Variants in ADAMTSL1 observed in about 807,000 individuals in gnomAD.
ADAMTSL1 encodes the protein ADAMTS-like protein 1.
In ADAMTSL1, 126 loss-of-function variants were observed where a neutral mutation model predicts 201.8. The observed-to-expected ratio is 0.62, with a 90% CI of 0.54 to 0.72. The LOEUF is 0.72. Ranked by LOEUF, ADAMTSL1 falls within the 30% of genes least tolerant of loss-of-function variation. The pLI, the probability that ADAMTSL1 is intolerant of heterozygous loss-of-function variation, is 0.00. For synonymous variants in ADAMTSL1, 1,121 were observed against 903.4 expected (o/e 1.24, Z -4.32); for missense variants, 2,679 against 2,277.8 (o/e 1.18, Z -3.59).
chr9:18,271,974 C>A (rs13294139), intron 2 of ADAMTSL1, among the ~76,000 whole-genome samples: 2,852 of 141,958 alleles, frequency 0.02, 82 homozygotes, highest in African/African-American at 0.05. Flanking sequence ...TAAATGTCTT[C>A]TTTTGAGAAG....
intron 1 of ADAMTSL1, among the ~76,000 whole-genome samples, chr9:18,043,218 T>C (rs1043938916): frequency 1.3e-5 from 2 of 152,040 alleles, no homozygotes; most frequent in African/African-American, 4.8e-5. Flanking sequence ...TCTGTGTGTG[T>C]TTTTTGGAGC....
In ADAMTSL1 at chr9:18,811,029, AAAAAAAC is replaced by A. The variant is rs1377475010; in HGVS notation, c.3806-6076_3806-6070del. Among the ~76,000 whole-genome samples the A allele has an allele frequency of 1.1e-4, 16 of 149,234 alleles. 1 individual carries two copies. The highest frequency in any genetic ancestry group is 3.5e-4 in the African/African-American group (14 of 40,214). ...ATGAGTACCAAAAAAAAAAAAAAAA[AAAAAAAC>A]AAACACCAGCTAGAAACCTTCTCTC... On this transcript the variant is annotated intron_variant, in intron 20 of 28. Coordinates refer to ENST00000380548, the MANE Select transcript of ADAMTSL1 (RefSeq NM_001040272.6).
At chr9:18,262,477 C>T (rs1367512783) in intron 2 of ADAMTSL1, among the ~76,000 whole-genome samples, 1 of 152,174 alleles carries the variant, frequency 6.6e-6, no homozygotes, top group Non-Finnish European at 1.5e-5. Flanking sequence ...CCAAAGAAAG[C>T]ATATCGTATA....
At chr9:18,355,769 G>T (rs1053502290) in intron 2 of ADAMTSL1, among the ~76,000 whole-genome samples, 1 of 152,238 alleles carries the variant, frequency 6.6e-6, no homozygotes, top group East Asian at 1.9e-4. Flanking sequence ...CACTTTGGGA[G>T]GCCAAGGTGG....
intron 16 of ADAMTSL1, among the ~76,000 whole-genome samples, chr9:18,755,603 G>C (rs917348675): frequency 6.6e-6 from 1 of 152,048 alleles, no homozygotes; most frequent in South Asian, 2.1e-4. Flanking sequence ...TCAGTTTTTA[G>C]GGCACAGCCA....
At chr9:18,016,020 C>T (rs1820246476) in intron 1 of ADAMTSL1, among the ~76,000 whole-genome samples, 1 of 152,012 alleles carries the variant, frequency 6.6e-6, no homozygotes, top group Admixed American at 6.6e-5. Context: ...ATCTTGTCTG[C>T]AGAGCCTTGT....
intron 23 of ADAMTSL1, among the ~76,000 whole-genome samples, chr9:18,857,569 T>TATG (rs1267897886): frequency 2.0e-5 from 3 of 152,240 alleles, no homozygotes; most frequent in African/African-American, 7.2e-5. Context: ...ATCACATGAT[T>TATG]ATGATTTCCT....
At chr9:18,063,826 C>T (rs1320522301) in intron 1 of ADAMTSL1, among the ~76,000 whole-genome samples, 2 of 152,106 alleles carry the variant, frequency 1.3e-5, no homozygotes, top group East Asian at 1.9e-4. Flanking sequence ...TCCCAAAACA[C>T]CCTCCTTTCT....
At chr9:18,307,276 A>G (rs1021119255) in intron 2 of ADAMTSL1, among the ~76,000 whole-genome samples, 1 of 152,162 alleles carries the variant, frequency 6.6e-6, no homozygotes, top group Non-Finnish European at 1.5e-5. Flanking sequence ...AGTATGAAGA[A>G]ACTGCATCAA....
At chr9:17,938,852 TC>T (rs1184709904) in intron 1 of ADAMTSL1, among the ~76,000 whole-genome samples, 1 of 152,152 alleles carries the variant, frequency 6.6e-6, no homozygotes, top group Non-Finnish European at 1.5e-5. Context: ...TCCATGGCTT[TC>T]CCCTGATACT....
chr9:18,259,018 T>C (rs991326443), intron 2 of ADAMTSL1, among the ~76,000 whole-genome samples: 2 of 152,204 alleles, frequency 1.3e-5, no homozygotes, highest in Admixed American at 6.5e-5. Context: ...GTCTCTGCCA[T>C]TGGCTTCCAG....
At chr9:18,172,820 A>C (rs1033523417) in intron 2 of ADAMTSL1, among the ~76,000 whole-genome samples, 2 of 152,120 alleles carry the variant, frequency 1.3e-5, no homozygotes, top group Non-Finnish European at 2.9e-5. Context: ...TTTCAAAAAT[A>C]AAATATTCAG....
chr9:18,662,210 C>T, intron 9 of ADAMTSL1, 137 bp downstream of exon 9: 1 of 1,195,046 alleles, frequency 8.4e-7, no homozygotes, highest in Non-Finnish European at 1.2e-6. Context: ...GTGTTCATTA[C>T]TAATCACGTG....
At chr9:18,039,128 C>T (rs1821330505) in intron 1 of ADAMTSL1, among the ~76,000 whole-genome samples, 1 of 152,114 alleles carries the variant, frequency 6.6e-6, no homozygotes, top group African/African-American at 2.4e-5. Flanking sequence ...ATAGAAAAAA[C>T]ATGACACTAA....
intron 2 of ADAMTSL1, among the ~76,000 whole-genome samples, chr9:18,243,008 A>G (rs1017437228): frequency 3.9e-5 from 6 of 152,160 alleles, no homozygotes; most frequent in African/African-American, 1.2e-4. Context: ...TTCATATGGA[A>G]CCATAAAAGA....
chr9:18,528,341 C>G (rs1427202229), intron 2 of ADAMTSL1, among the ~76,000 whole-genome samples: 1 of 152,134 alleles, frequency 6.6e-6, no homozygotes, highest in Non-Finnish European at 1.5e-5. Flanking sequence ...TTCTGGTACT[C>G]TCCCTCCCCA....
intron 2 of ADAMTSL1, among the ~76,000 whole-genome samples, chr9:18,306,597 T>C (rs1833918293): frequency 1.3e-5 from 2 of 152,002 alleles, no homozygotes; most frequent in Non-Finnish European, 2.9e-5. Context: ...ATATCAGAGA[T>C]TGAAGATCAA....
At chr9:18,516,853 G>A (rs1469205834) in intron 2 of ADAMTSL1, among the ~76,000 whole-genome samples, 2 of 152,200 alleles carry the variant, frequency 1.3e-5, no homozygotes, top group Non-Finnish European at 2.9e-5. Context: ...TGTTAGATAG[G>A]AAGAGGAGCA....
chr9:17,915,410 G>C (rs939901719), intron 1 of ADAMTSL1, among the ~76,000 whole-genome samples: 6 of 152,084 alleles, frequency 3.9e-5, no homozygotes, highest in Non-Finnish European at 7.4e-5. Flanking sequence ...TTTTATTCCT[G>C]AGTAGTATTG....
Sources: gnomAD v4.1 joint callset for allele counts (sites outside exome capture counted in the v4.1 genomes callset) on GRCh38, gnomAD v4.1.1 for gene constraint, MANE v1.5 for transcripts, NCBI Gene and HGNC (gene_info 2026-07-23, HGNC 2026-07-21) for gene names.